FAM107B: variants seen among roughly 807,000 people sequenced by gnomAD.
FAM107B encodes protein FAM107B.
FAM107B carries 21 observed loss-of-function variants against 31.5 expected under a neutral mutation model. The ratio of observed to expected loss-of-function variants is 0.67; its 90% confidence interval spans 0.47 to 0.96. The LOEUF (loss-of-function observed/expected upper bound fraction) is 0.96, where lower values mean the gene tolerates loss of function less well. Among genes scored for constraint, FAM107B ranks in the 40% least tolerant of loss-of-function variants. FAM107B has a pLI of 0.00. For synonymous variants in FAM107B, 157 were observed against 141.5 expected, an observed-to-expected ratio of 1.11 and a Z score of -0.78; for missense variants, 452 against 377.1, an observed-to-expected ratio of 1.20 and a Z score of -1.64.
At chr10:14,745,976 G>A (rs1832719878) in intron 1 of FAM107B, among the ~76,000 whole-genome samples, 1 of 151,862 alleles carries the variant, frequency 6.6e-6, no homozygotes, top group Non-Finnish European at 1.5e-5. Flanking sequence ...TATGAATCTG[G>A]GTGCTCCTGT....
At chr10:14,646,789 C>CT (rs369557470) in intron 2 of FAM107B, among the ~76,000 whole-genome samples, 49,946 of 86,136 alleles carry the variant, frequency 0.58, 16,621 homozygotes, top group Non-Finnish European at 0.63. Context: ...CCATTTTCTC[C>CT]TTTTTTTTTT....
intron 2 of FAM107B, among the ~76,000 whole-genome samples, chr10:14,573,042 C>T (rs936229717): frequency 3.3e-5 from 5 of 152,058 alleles, no homozygotes; most frequent in African/African-American, 1.2e-4. Flanking sequence ...CACTTGGTGA[C>T]ATCTGGCCCA....
intron 2 of FAM107B, among the ~76,000 whole-genome samples, chr10:14,552,447 C>T (rs752230203): frequency 4.1e-5 from 6 of 146,862 alleles, no homozygotes; most frequent in Non-Finnish European, 9.0e-5. Flanking sequence ...TACAGTGATC[C>T]ACTACCCACA....
intron 2 of FAM107B, among the ~76,000 whole-genome samples, chr10:14,589,563 A>G (rs931672568): frequency 1.3e-5 from 2 of 152,234 alleles, no homozygotes; most frequent in Non-Finnish European, 2.9e-5. Flanking sequence ...TGAATTTTAA[A>G]CAGTAATAAT....
At chr10:14,606,097 A>G (rs1175178336) in intron 2 of FAM107B, among the ~76,000 whole-genome samples, 1 of 152,130 alleles carries the variant, frequency 6.6e-6, no homozygotes, top group Non-Finnish European at 1.5e-5. Context: ...GCTTCCTGCT[A>G]CATGATCAAG....
intron 1 of FAM107B, among the ~76,000 whole-genome samples, chr10:14,689,030 G>A (rs1447019817): frequency 6.6e-6 from 1 of 152,048 alleles, no homozygotes. Flanking sequence ...AACAAACATT[G>A]ACTGAGCATC....
chr10:14,668,003 C>T (rs187508295), intron 1 of FAM107B, among the ~76,000 whole-genome samples: 11 of 152,118 alleles, frequency 7.2e-5, no homozygotes, highest in Non-Finnish European at 1.0e-4. Flanking sequence ...TGAAGGCACC[C>T]GTGACTTAGA....
rs71505032 is a variant in FAM107B, at chr10:14,626,499, C to CTTTTTT, written c.469+41129_469+41134dup. ...ACAAACTGTGGAATTTGAGGCGGAT[C>CTTTTTT]TTTTTTTTCTTTTTTTTTTTTTGAG... On this transcript the variant is annotated intron_variant, in intron 2 of 4. Coordinates refer to ENST00000181796, the MANE Select transcript of FAM107B (RefSeq NM_031453.4). Among the ~76,000 whole-genome samples, 10 of 109,040 alleles carry CTTTTTT rather than the reference C, an allele frequency of 9.2e-5. 3 individuals are homozygous for CTTTTTT. Among genetic ancestry groups the CTTTTTT allele is most frequent in the Admixed American group, 1.2e-4 (1 of 8,520 alleles). 71.5% of individuals were successfully genotyped at this position (109,040 alleles called of 152,430 possible).
At chr10:14,573,008 A>C (rs911973734) in intron 2 of FAM107B, among the ~76,000 whole-genome samples, 1 of 152,008 alleles carries the variant, frequency 6.6e-6, no homozygotes. Context: ...TGGAATTACC[A>C]TTGCAGAGGC....
chr10:14,750,333 C>T (rs1297264253), intron 1 of FAM107B, among the ~76,000 whole-genome samples: 3 of 152,260 alleles, frequency 2.0e-5, no homozygotes, highest in Non-Finnish European at 4.4e-5. Flanking sequence ...CACTGCAAGC[C>T]GAGCATGGTG....
chr10:14,625,039 A>G (rs1853121019), intron 2 of FAM107B, among the ~76,000 whole-genome samples: 2 of 152,154 alleles, frequency 1.3e-5, no homozygotes, highest in African/African-American at 4.8e-5. Context: ...AGCCTGGCCA[A>G]CATGGTGAAA....
chr10:14,637,651 A>G (rs966824759), intron 2 of FAM107B, among the ~76,000 whole-genome samples: 1 of 152,098 alleles, frequency 6.6e-6, no homozygotes, highest in African/African-American at 2.4e-5. Flanking sequence ...CAAAACAAAC[A>G]AACACAGATG....
intron 1 of FAM107B, among the ~76,000 whole-genome samples, chr10:14,753,951 T>C (rs1373345700): frequency 6.6e-6 from 1 of 151,178 alleles, no homozygotes. Context: ...TCTTTTTTTT[T>C]TTTTTTTGAG....
At chr10:14,539,539 A>G (rs1847969454) in intron 2 of FAM107B, among the ~76,000 whole-genome samples, 1 of 152,234 alleles carries the variant, frequency 6.6e-6, no homozygotes, top group Admixed American at 6.5e-5. Context: ...AGGAAGTTGG[A>G]TATTCAAACA....
At chr10:14,755,779 G>A (rs1346643595) in intron 1 of FAM107B, among the ~76,000 whole-genome samples, 1 of 152,128 alleles carries the variant, frequency 6.6e-6, no homozygotes, top group Non-Finnish European at 1.5e-5. Context: ...TATCATGAAA[G>A]GCTCCAAATT....
At chr10:14,774,106 T>C in intron 1 of FAM107B, 147 bp downstream of exon 1, 1 of 948,602 alleles carries the variant, frequency 1.1e-6, no homozygotes. Flanking sequence ...TACACGGCTT[T>C]AACACACTTC....
At chr10:14,533,821 T>C (rs1326743301) in intron 2 of FAM107B, among the ~76,000 whole-genome samples, 1 of 152,186 alleles carries the variant, frequency 6.6e-6, no homozygotes, top group Non-Finnish European at 1.5e-5. Context: ...GACTTCTCTT[T>C]AGATTTAGTT....
At chr10:14,569,631 C>CA (rs1851019924) in intron 2 of FAM107B, among the ~76,000 whole-genome samples, 1 of 152,154 alleles carries the variant, frequency 6.6e-6, no homozygotes, top group African/African-American at 2.4e-5. Flanking sequence ...TGGAAATAGG[C>CA]CAGGACTGGA....
At chr10:14,671,879 A>AC (rs1588696819) in intron 1 of FAM107B, among the ~76,000 whole-genome samples, 1 of 49,680 alleles carries the variant, frequency 2.0e-5, no homozygotes, top group Non-Finnish European at 6.3e-5. Flanking sequence ...ATTTAAAAAA[A>AC]AAAAACAAAA....
Sources: gnomAD v4.1 joint callset for allele counts (sites outside exome capture counted in the v4.1 genomes callset) on GRCh38, gnomAD v4.1.1 for gene constraint, MANE v1.5 for transcripts, NCBI Gene and HGNC (gene_info 2026-07-23, HGNC 2026-07-21) for gene names.